Variants in TEX15 observed in about 807,000 individuals in gnomAD.
TEX15 encodes testis expressed 15, meiosis and synapsis associated.
Under a neutral mutation model 237.3 loss-of-function variants are expected in TEX15, and 171 were observed. That is an observed-to-expected ratio of 0.72 (90% confidence interval 0.64 to 0.82). The LOEUF (loss-of-function observed/expected upper bound fraction) is 0.82, where lower values mean the gene tolerates loss of function less well. TEX15 is among the 40% of genes least tolerant of loss of function. TEX15 has a pLI of 0.00. For synonymous variants in TEX15, 1,338 were observed against 1,269.8 expected (o/e 1.05, Z -1.14); for missense variants, 3,750 against 3,646.5 (o/e 1.03, Z -0.73).
intron 10 of TEX15, among the ~76,000 whole-genome samples, chr8:30,834,408 G>C (rs1322748555): frequency 6.6e-6 from 1 of 152,218 alleles, no homozygotes; most frequent in Non-Finnish European, 1.5e-5. Context: ...CTGACCTCAA[G>C]TGATCTGCCT....
chr8:30,845,390 C>T lies in TEX15; in HGVS notation c.4777G>A (p.Ala1593Thr). The change falls in exon 8 of 11, where the codon GCA becomes ACA. Residue 1593 changes from alanine (A) to threonine (T), a missense_variant. Coordinates refer to ENST00000643185, the MANE Select transcript of TEX15 (RefSeq NM_001350162.2). ...SKYEKLEKHS[A>T]NHNVKDATKE... ...GTTGCATCTTTAACATTATGATTTG[C>T]TGAATGTTTTTCAAGCTTTTCATAT... is the stretch of plus-strand genomic sequence containing the variant. 6.2e-7 allele frequency: 1 copy of T among 1,611,500 alleles called. No individual in the cohort carries two copies. The highest frequency in any genetic ancestry group is 1.1e-5 in the South Asian group (1 of 90,898).
In TEX15 at chr8:30,847,872, G is replaced by A. The variant is rs1012517674; in HGVS notation, c.2295C>T (p.Phe765=). 1.2e-6 allele frequency: 2 copies of A among 1,613,866 alleles called. No individual in the cohort carries two copies. The highest frequency in any genetic ancestry group is 8.5e-7 in the Non-Finnish European group (1 of 1,179,934). The change falls in exon 8 of 11, where the codon TTC becomes TTT. Residue 765 remains phenylalanine (F), a synonymous_variant. Coordinates refer to ENST00000643185, the MANE Select transcript of TEX15 (RefSeq NM_001350162.2). ...QNYASIITEA[F]PKPKDIPQAK... is the part of the protein sequence containing the mutation. Reference sequence around the variant, plus strand: ...CCTGGGGTATGTCTTTTGGTTTCGGGAAAGCTTCAGTTATAATGCTAGCAT... The same window carrying A: ...CCTGGGGTATGTCTTTTGGTTTCGGAAAAGCTTCAGTTATAATGCTAGCAT...
chr8:30,846,453 G>A lies in TEX15; in HGVS notation c.3714C>T (p.Ser1238=), dbSNP rs764291041. The change falls in exon 8 of 11, where the codon TCC becomes TCT. Residue 1238 remains serine, a synonymous_variant. Coordinates refer to ENST00000643185, the MANE Select transcript of TEX15 (RefSeq NM_001350162.2). ...ESGPVSNSEI[S]LSFDLSRNTD... ...TATTACGACTCAAGTCAAAAGAAAG[G>A]GAGATTTCAGAGTTACTCACTGGCC... is the stretch of plus-strand genomic sequence containing the variant. 4.3e-6 allele frequency: 7 copies of A among 1,613,018 alleles called. 1 individual carries two copies. Among genetic ancestry groups the A allele is most frequent in the East Asian group, 2.2e-5 (1 of 44,868 alleles).
intron 3 of TEX15, among the ~76,000 whole-genome samples, chr8:30,879,607 C>T (rs1051457699): frequency 2.6e-5 from 4 of 152,190 alleles, no homozygotes; most frequent in South Asian, 2.1e-4. Context: ...GGTCTGTTTT[C>T]GGAATCTTTA....
At chr8:30,851,224 T>C (rs988235829) in intron 7 of TEX15, among the ~76,000 whole-genome samples, 5 of 152,172 alleles carry the variant, frequency 3.3e-5, no homozygotes, top group African/African-American at 9.7e-5. Context: ...TATACATCAA[T>C]ATGAGACTGG....
chr8:30,842,531 G>C lies in TEX15; in HGVS notation c.7636C>G (p.Gln2546Glu), dbSNP rs1480830203. The C allele has an allele frequency of 8.7e-6, 14 of 1,611,098 alleles. No individual in the cohort carries two copies. Among genetic ancestry groups the C allele is most frequent in the African/African-American group, 1.3e-5 (1 of 74,802 alleles). The change falls in exon 8 of 11, where the codon CAA (glutamine) becomes GAA (glutamate). Residue 2546 changes from glutamine (Q) to glutamate (E), a missense_variant. Physicochemically the swap from Gln to Glu is conservative, Grantham distance 29 (BLOSUM62 2). Coordinates refer to ENST00000643185, the MANE Select transcript of TEX15 (RefSeq NM_001350162.2). ...YAIHLLSRELQELSEIKKLLK... is the reference protein window; with the variant it reads ...YAIHLLSRELEELSEIKKLLK... ...AGCTTTTTTATTTCTGAAAGTTCTT[G>C]AAGTTCTCTTGAGAGCAAATGAATA... is the stretch of plus-strand genomic sequence containing the variant.
intron 3 of TEX15, among the ~76,000 whole-genome samples, chr8:30,882,617 C>T (rs1808555044): frequency 6.6e-6 from 1 of 152,064 alleles, no homozygotes; most frequent in Non-Finnish European, 1.5e-5. Flanking sequence ...ACATGTATCT[C>T]ATGGCCCAAG....
At chr8:30,893,222 G>A (rs1256798487) in intron 2 of TEX15, among the ~76,000 whole-genome samples, 1 of 152,164 alleles carries the variant, frequency 6.6e-6, no homozygotes, top group Non-Finnish European at 1.5e-5. Flanking sequence ...TAAATAATAT[G>A]TCCAAGGACA....
chr8:30,856,718 T>C (rs1807920607), intron 7 of TEX15, among the ~76,000 whole-genome samples: 1 of 152,016 alleles, frequency 6.6e-6, no homozygotes, highest in Non-Finnish European at 1.5e-5. Flanking sequence ...GCATAAAATA[T>C]CAAATGTTTG....
At chr8:30,854,006 T>C (rs1807844711) in intron 7 of TEX15, among the ~76,000 whole-genome samples, 1 of 152,008 alleles carries the variant, frequency 6.6e-6, no homozygotes, top group Non-Finnish European at 1.5e-5. Context: ...AAAGTAGTTG[T>C]TTCTAGAAAT....
rs779864872 is a variant in TEX15, at chr8:30,847,322, C to T, written c.2845G>A (p.Val949Met). The T allele has an allele frequency of 2.2e-5, 36 of 1,613,726 alleles. No homozygotes were observed. The highest frequency in any genetic ancestry group is 5.5e-5 in the South Asian group (5 of 91,078). Reference sequence around the variant, plus strand: ...GTATTTTCAGTATCTTTTTGTTTCACGGCACTAATGGTATCTTCTTCACTC... The same window carrying T: ...GTATTTTCAGTATCTTTTTGTTTCATGGCACTAATGGTATCTTCTTCACTC... ...LESEEDTISA[V>M]KQKDTENTGR... Residue 949 changes from valine (V) to methionine (M), a missense_variant, in exon 8 of 11, where the codon GTG (valine) becomes ATG (methionine). Val to Met is a conservative substitution (Grantham distance 21). Coordinates refer to ENST00000643185, the MANE Select transcript of TEX15 (RefSeq NM_001350162.2).
At chr8:30,870,194 CAG>C (rs1364151832) in intron 4 of TEX15, among the ~76,000 whole-genome samples, 1 of 151,780 alleles carries the variant, frequency 6.6e-6, no homozygotes, top group African/African-American at 2.4e-5. Context: ...ATGTAAAAGA[CAG>C]ATGAGAAAAC....
intron 4 of TEX15, among the ~76,000 whole-genome samples, chr8:30,872,818 G>T (rs1425340716): frequency 6.6e-6 from 1 of 152,226 alleles, no homozygotes; most frequent in Admixed American, 6.5e-5. Flanking sequence ...GTTGCACAAC[G>T]TATTTGTGTT....
rs777516989 is a variant in TEX15, at chr8:30,845,810, C to T, written c.4357G>A (p.Asp1453Asn). The change falls in exon 8 of 11, where the codon GAC becomes AAC. Residue 1453 changes from aspartate (D) to asparagine (N), a missense_variant. Physicochemically the swap from Asp to Asn is conservative, Grantham distance 23. Coordinates refer to ENST00000643185, the MANE Select transcript of TEX15 (RefSeq NM_001350162.2). ...TKHFSSKRKY[D>N]KRRKKRAPKA... is the part of the protein sequence containing the mutation. ...GGAGCTCTTTTCTTTCTCCGTTTGT[C>T]ATATTTTCTTTTTGACGAAAAATGC... 73 of 1,608,830 alleles carry T rather than the reference C, an allele frequency of 4.5e-5. No homozygotes were observed. The highest frequency in any genetic ancestry group is 6.0e-5 in the Non-Finnish European group (71 of 1,178,724).
chr8:30,856,092 C>T (rs969300138), intron 7 of TEX15, among the ~76,000 whole-genome samples: 4 of 152,046 alleles, frequency 2.6e-5, no homozygotes, highest in African/African-American at 9.7e-5. Flanking sequence ...ATTATAGGCG[C>T]CTGGCACCAT....
intron 3 of TEX15, among the ~76,000 whole-genome samples, chr8:30,884,337 T>G (rs1808600714): frequency 6.6e-6 from 1 of 152,202 alleles, no homozygotes; most frequent in Non-Finnish European, 1.5e-5. Context: ...ATTAAAATAA[T>G]GCTCCTCTAA....
At chr8:30,835,813 T>C in intron 10 of TEX15, among the ~76,000 whole-genome samples, 1 of 152,208 alleles carries the variant, frequency 6.6e-6, no homozygotes, top group East Asian at 1.9e-4. Context: ...AGAAACAATT[T>C]CATGTTACAG....
chr8:30,879,335 G>A (rs969051684), intron 3 of TEX15, among the ~76,000 whole-genome samples: 4 of 152,136 alleles, frequency 2.6e-5, no homozygotes, highest in Admixed American at 6.5e-5. Flanking sequence ...TTGGTATCAT[G>A]TCTAAGAACT....
In TEX15 at chr8:30,854,853, T is replaced by C. The variant is rs569044959; in HGVS notation, c.850+3815A>G. ...TCTAAAATCAATTAATGTAATACAT[T>C]ATATCGATAAAAACAACAACAAAAA... On this transcript the variant is annotated intron_variant, in intron 7 of 10. Transcript: ENST00000643185. Among the ~76,000 whole-genome samples the C allele has an allele frequency of 3.9e-4, 59 of 152,220 alleles. 1 individual carries two copies. The highest frequency in any genetic ancestry group is 1.3e-3 in the African/African-American group (55 of 41,548).
Sources: gnomAD v4.1 joint callset for allele counts (sites outside exome capture counted in the v4.1 genomes callset) on GRCh38, gnomAD v4.1.1 for gene constraint, MANE v1.5 for transcripts, NCBI Gene and HGNC (gene_info 2026-07-23, HGNC 2026-07-21) for gene names.